The following POLR3B variants were observed in gnomAD, a reference collection of about 807,000 sequenced individuals.
The protein encoded by POLR3B is DNA-directed RNA polymerase III subunit RPC2.
In POLR3B, 96 loss-of-function variants were observed where a neutral mutation model predicts 147.4. The observed-to-expected ratio is 0.65, with a 90% confidence interval of 0.55 to 0.77. The LOEUF is 0.77. Among genes scored for constraint, POLR3B ranks in the 30% least tolerant of loss-of-function variants. The probability of loss-of-function intolerance (pLI) is 0.00; values close to 1 mark genes in which losing one functional copy is unlikely to be tolerated. For synonymous variants in POLR3B, 461 were observed against 485.9 expected (o/e 0.95, Z 0.67); for missense variants, 1,036 against 1,413.5 (o/e 0.73, Z 4.28).
At chr12:106,419,563 G>C (rs1279913970) in intron 12 of POLR3B, among the ~76,000 whole-genome samples, 3 of 151,970 alleles carry the variant, frequency 2.0e-5, no homozygotes, top group Non-Finnish European at 4.4e-5. Context: ...AATTCTTTAA[G>C]AAATTAATTA....
intron 18 of POLR3B, among the ~76,000 whole-genome samples, chr12:106,441,112 A>G (rs1020122657): frequency 6.6e-6 from 1 of 152,190 alleles, no homozygotes; most frequent in Non-Finnish European, 1.5e-5. Flanking sequence ...GAGTACAAAC[A>G]TACACACATG....
chr12:106,443,297 T>C (rs888834504), intron 18 of POLR3B, among the ~76,000 whole-genome samples: 3 of 152,242 alleles, frequency 2.0e-5, no homozygotes, highest in African/African-American at 7.2e-5. Context: ...ACATTTACAC[T>C]TTTAAAAGAT....
intron 23 of POLR3B, among the ~76,000 whole-genome samples, chr12:106,476,846 C>T (rs1395401933): frequency 1.3e-5 from 2 of 152,122 alleles, no homozygotes; most frequent in East Asian, 3.8e-4. Flanking sequence ...ATTTGATCGT[C>T]TGAAGACTTC....
intron 22 of POLR3B, among the ~76,000 whole-genome samples, chr12:106,461,314 C>G (rs1468855973): frequency 6.6e-6 from 1 of 152,066 alleles, no homozygotes; most frequent in East Asian, 1.9e-4. Context: ...AGACTAGTCT[C>G]GAACTCTTCA....
intron 12 of POLR3B, among the ~76,000 whole-genome samples, chr12:106,422,829 AT>A (rs1459275233): frequency 6.6e-6 from 1 of 151,992 alleles, no homozygotes; most frequent in Non-Finnish European, 1.5e-5. Flanking sequence ...TATTTTGTCA[AT>A]TTTCATCAAA....
rs1420685610 is a variant in POLR3B at position 106,477,606 on chromosome 12, A to G, written c.2713+13986A>G. ...AGCCGGTCTGAAAAGCGCAATATTCAGGTGGGAGTGACCCGATTGTCCAGG... is the reference window on the plus strand; with the variant it reads ...AGCCGGTCTGAAAAGCGCAATATTCGGGTGGGAGTGACCCGATTGTCCAGG... On this transcript the variant is annotated intron_variant, in intron 23 of 27. Transcript: ENST00000228347. Among the ~76,000 whole-genome samples the G allele has an allele frequency of 3.3e-5, 5 of 152,118 alleles. 1 individual carries two copies. Among genetic ancestry groups the G allele is most frequent in the South Asian group, 2.1e-4 (1 of 4,820 alleles).
At chr12:106,460,656 G>T (rs185624165) in intron 22 of POLR3B, among the ~76,000 whole-genome samples, 9 of 152,238 alleles carry the variant, frequency 5.9e-5, no homozygotes, top group Admixed American at 3.3e-4. Context: ...TGCCTCTGCT[G>T]GTTGGCTCTC....
Position 106,430,322 on chromosome 12 carries a change from A to G in POLR3B, c.1313A>G (p.Gln438Arg), listed in dbSNP as rs2037490450. The change falls in exon 14 of 28, where the codon CAA (glutamine) becomes CGA (arginine). Residue 438 changes from glutamine to arginine, a missense_variant. Gln to Arg is a conservative substitution (Grantham distance 43). Around this residue, in one of 12 missense-constraint regions of POLR3B, gnomAD observed 89 missense variants for 110.9 expected, o/e 0.80. Transcript: ENST00000228347. ...AAAATGGACCGCCAGGGTGTAACCC[A>G]AGTGCTGTCTCGCTTGTCATATATA... Reference protein sequence around the residue: ...RFKMDRQGVTQVLSRLSYISA... With the variant: ...RFKMDRQGVTRVLSRLSYISA... 1 of 1,614,126 alleles carries G rather than the reference A, an allele frequency of 6.2e-7. No homozygotes were observed. Among genetic ancestry groups the G allele is most frequent in the Non-Finnish European group, 8.5e-7 (1 of 1,179,964 alleles).
intron 23 of POLR3B, among the ~76,000 whole-genome samples, chr12:106,491,813 T>C (rs1003558160): frequency 4.6e-5 from 7 of 152,274 alleles, no homozygotes; most frequent in Admixed American, 3.3e-4. Context: ...CCCCAGCAAT[T>C]GAGGGAAATG....
intron 6 of POLR3B, among the ~76,000 whole-genome samples, chr12:106,374,672 G>A (rs565588312): frequency 5.9e-5 from 9 of 152,002 alleles, no homozygotes; most frequent in Non-Finnish European, 1.2e-4. Flanking sequence ...ACGCCACCAC[G>A]CCCAGCCAAT....
chr12:106,502,509 G>A (rs926773609), intron 26 of POLR3B, among the ~76,000 whole-genome samples: 1 of 152,192 alleles, frequency 6.6e-6, no homozygotes, highest in Non-Finnish European at 1.5e-5. Flanking sequence ...CCCATCCACA[G>A]GTGGCATCAG....
intron 23 of POLR3B, among the ~76,000 whole-genome samples, chr12:106,495,802 G>T (rs2038471232): frequency 6.6e-6 from 1 of 152,230 alleles, no homozygotes; most frequent in African/African-American, 2.4e-5. Flanking sequence ...TGGGCAGGCA[G>T]CCCAACAGCA....
At chr12:106,359,276 C>T (rs993829604) in intron 1 of POLR3B, among the ~76,000 whole-genome samples, 3 of 151,470 alleles carry the variant, frequency 2.0e-5, no homozygotes, top group Middle Eastern at 3.2e-3. Context: ...TTAGCAGTTC[C>T]AACAGATTCA....
chr12:106,360,677 G>C (rs2036457784), intron 1 of POLR3B, among the ~76,000 whole-genome samples: 1 of 152,210 alleles, frequency 6.6e-6, no homozygotes, highest in Non-Finnish European at 1.5e-5. Context: ...ACAGCAGCAT[G>C]GTAGTATGGT....
At chr12:106,501,665 G>T (rs2078198666) in intron 26 of POLR3B, among the ~76,000 whole-genome samples, 1 of 152,194 alleles carries the variant, frequency 6.6e-6, no homozygotes, top group African/African-American at 2.4e-5. Context: ...GGTCTTGCCA[G>T]TGGACTCCTA....
intron 23 of POLR3B, among the ~76,000 whole-genome samples, chr12:106,479,931 A>T (rs1431253567): frequency 6.6e-6 from 1 of 150,980 alleles, no homozygotes; most frequent in Non-Finnish European, 1.5e-5. Flanking sequence ...CTTCCATCTC[A>T]GCCTCCTGAG....
intron 25 of POLR3B, chr12:106,500,104 A>G (rs138723600): frequency 4.3e-4 from 195 of 455,970 alleles, no homozygotes; most frequent in African/African-American, 3.5e-3. Flanking sequence ...CCATTTCTTC[A>G]TCTTCAAAAT....
intron 10 of POLR3B, among the ~76,000 whole-genome samples, chr12:106,405,390 A>G (rs143925667): frequency 3.9e-5 from 6 of 151,988 alleles, no homozygotes; most frequent in Admixed American, 1.3e-4. Context: ...CCCTTAATTT[A>G]TTTAGGTTTT....
At chr12:106,398,153 C>A (rs531147180) in intron 10 of POLR3B, among the ~76,000 whole-genome samples, 1 of 152,210 alleles carries the variant, frequency 6.6e-6, no homozygotes, top group African/African-American at 2.4e-5. Context: ...ACTTTCCCAA[C>A]GGGCTTAAGA....
Sources: allele counts gnomAD v4.1 joint callset (sites outside exome capture counted in the v4.1 genomes callset), GRCh38; gene constraint gnomAD v4.1.1; regional missense constraint gnomAD v4.1.1; transcripts MANE v1.5; gene names NCBI Gene and HGNC (gene_info 2026-07-23, HGNC 2026-07-21).